The following OR2L2 variants were observed in gnomAD, a reference collection of about 807,000 sequenced individuals.
The protein encoded by OR2L2 is olfactory receptor 2L2.
For missense variants in OR2L2, 378 were observed against 375.2 expected (o/e 1.01, Z -0.06); for synonymous variants, 156 against 135.4 (o/e 1.15, Z -1.06).
At position 248,039,064 on chromosome 1, in the gene OR2L2, C is replaced by A. The variant is rs775755002; in HGVS notation, c.797C>A (p.Ser266Tyr). The A allele has an allele frequency of 1.2e-6, 2 of 1,614,026 alleles. No individual in the cohort carries two copies. Among genetic ancestry groups the A allele is most frequent in the Non-Finnish European group, 1.7e-6 (2 of 1,180,030 alleles). ...YTYVRPRSLRSPTEDKILAVF... is the reference protein window; with the variant it reads ...YTYVRPRSLRYPTEDKILAVF... ...TATGTACGTCCAAGATCCCTGCGAT[C>A]TCCAACAGAGGACAAGATTCTGGCT... The change falls in exon 3 of 3, where the codon TCT becomes TAT. Residue 266 changes from serine (S) to tyrosine (Y), a missense_variant. Coordinates refer to ENST00000641771, the MANE Select transcript of OR2L2 (RefSeq NM_001385855.1).
intron 1 of OR2L2, among the ~76,000 whole-genome samples, chr1:248,033,091 T>C (rs920873107): frequency 3.3e-5 from 5 of 152,232 alleles, no homozygotes; most frequent in Non-Finnish European, 7.3e-5. Flanking sequence ...ATTTTACTTA[T>C]AATATTTTCA....
chr1:248,032,036 C>A (rs1662634336), intron 1 of OR2L2, among the ~76,000 whole-genome samples: 1 of 152,026 alleles, frequency 6.6e-6, no homozygotes, highest in Non-Finnish European at 1.5e-5. Context: ...TCAAATAGTA[C>A]ATATTCTAAT....
intron 2 of OR2L2, among the ~76,000 whole-genome samples, chr1:248,035,916 C>G (rs190086409): frequency 1.2e-3 from 184 of 152,216 alleles, no homozygotes; most frequent in Non-Finnish European, 1.9e-3. Flanking sequence ...AATATATACT[C>G]TTGTAAATCC....
chr1:248,040,024 A>G lies in OR2L2; in HGVS notation c.*818A>G, dbSNP rs1662899637. The G allele has an allele frequency of 1.3e-5, 2 of 152,282 alleles. No homozygotes were observed. Among genetic ancestry groups the G allele is most frequent in the African/African-American group, 4.8e-5 (2 of 41,564 alleles). The allele number at this position is 152,282 out of a possible 1,614,324, so 9.4% of individuals were successfully genotyped here. ...GAGTGTGGAGTAGGTTATTTGAATC[A>G]TTTCCCAGTCACGTCACAACACACT... On this transcript the variant is annotated 3_prime_UTR_variant, in exon 3 of 3. Transcript: ENST00000641771.
Position 248,038,839 on chromosome 1 carries a change from C to G in OR2L2, c.572C>G (p.Thr191Ser), listed in dbSNP as rs766797678. ...ATGTTGACGCTAGCCTGCACAGACA[C>G]TTGGGTCTATGAGAGCACAGTGTTT... ...PAMLTLACTD[T>S]WVYESTVFLS... The change falls in exon 3 of 3, where the codon ACT (threonine) becomes AGT (serine). Residue 191 changes from threonine (T) to serine (S), a missense_variant. Physicochemically the swap from Thr to Ser is moderately conservative, Grantham distance 58 (BLOSUM62 1). Coordinates refer to ENST00000641771, the MANE Select transcript of OR2L2 (RefSeq NM_001385855.1). The G allele has an allele frequency of 2.5e-6, 4 of 1,614,044 alleles. No homozygotes were observed. The highest frequency in any genetic ancestry group is 3.4e-6 in the Non-Finnish European group (4 of 1,180,034).
At chr1:248,033,741 C>T (rs1662682342) in intron 1 of OR2L2, among the ~76,000 whole-genome samples, 1 of 151,824 alleles carries the variant, frequency 6.6e-6, no homozygotes, top group Non-Finnish European at 1.5e-5. Context: ...TGGCACCTGT[C>T]CTCTCTTTTC....
chr1:248,030,295 C>T (rs916756606), intron 1 of OR2L2, 60 bp downstream of exon 1: 5 of 152,120 alleles, frequency 3.3e-5, no homozygotes, highest in African/African-American at 1.2e-4. Flanking sequence ...GGGACTCTGG[C>T]AAGTGCTTAA....
chr1:248,031,719 T>A lies in OR2L2; in HGVS notation c.-97+1484T>A, dbSNP rs74153018. On this transcript the variant is annotated intron_variant, in intron 1 of 2. Transcript: ENST00000641771. ...ACTTTTAAGTAAACACAAAGTCAAA[T>A]AAGCTTGCCTTGTAGAATGTGTCTG... 3.5e-3 allele frequency among the ~76,000 whole-genome samples: 530 copies of A among 152,324 alleles called. 5 individuals are homozygous for A. The highest frequency in any genetic ancestry group is 0.012 in the African/African-American group (506 of 41,576).
chr1:248,038,329 G>C lies in OR2L2; in HGVS notation c.62G>C (p.Arg21Thr). 6.2e-7 allele frequency: 1 copy of C among 1,613,690 alleles called. No homozygotes were observed. Among genetic ancestry groups the C allele is most frequent in the Non-Finnish European group, 8.5e-7 (1 of 1,179,688 alleles). ...TTATTGGGGCTGTTCCCACAATCAA[G>C]AATTGGCCTTTTCGTATTCACCCTC... ...FILLGLFPQS[R>T]IGLFVFTLIF... is the part of the protein sequence containing the mutation. The change falls in exon 3 of 3, where the codon AGA (arginine) becomes ACA (threonine). Residue 21 changes from arginine (R) to threonine (T), a missense_variant. Transcript: ENST00000641771.
rs750677555 is a variant in OR2L2 at position 248,039,034 on chromosome 1, A to G, written c.767A>G (p.Tyr256Cys). ...VVSFYYAPFAYTYVRPRSLRS... is the reference protein window; with the variant it reads ...VVSFYYAPFACTYVRPRSLRS... ...TCCTTCTACTATGCACCCTTTGCTT[A>G]TACCTATGTACGTCCAAGATCCCTG... Residue 256 changes from tyrosine to cysteine, a missense_variant, in exon 3 of 3, where the codon TAT becomes TGT. Coordinates refer to ENST00000641771, the MANE Select transcript of OR2L2 (RefSeq NM_001385855.1). 1.7e-5 allele frequency: 28 copies of G among 1,614,100 alleles called. No individual in the cohort carries two copies. In the South Asian group the frequency reaches 2.6e-4, roughly 15 times the overall value.
Position 248,041,577 on chromosome 1 carries a change from A to C in OR2L2, c.*2371A>C, listed in dbSNP as rs1662951920. The C allele has an allele frequency of 6.6e-6, 1 of 152,212 alleles. No individual in the cohort carries two copies. Among genetic ancestry groups the C allele is most frequent in the South Asian group, 2.1e-4 (1 of 4,834 alleles). The allele number at this position is 152,212 out of a possible 1,614,324, so 9.4% of individuals were successfully genotyped here. On this transcript the variant is annotated 3_prime_UTR_variant, in exon 3 of 3. Coordinates refer to ENST00000641771, the MANE Select transcript of OR2L2 (RefSeq NM_001385855.1). ...TACCATCAGAGTGAACAGGCAACCT[A>C]CAGAATGGGAGAAAATTTTTGCAAC...
Position 248,039,011 on chromosome 1 carries a change from C to T in OR2L2, c.744C>T (p.Ser248=), listed in dbSNP as rs1384868111. 9.9e-6 allele frequency: 16 copies of T among 1,613,930 alleles called. No individual in the cohort carries two copies. In the Admixed American group the frequency reaches 2.3e-4, roughly 24 times the overall value. ...GTAGCACCCACCTCACTGTAGTGTC[C>T]TTCTACTATGCACCCTTTGCTTATA... ...STCSTHLTVV[S]FYYAPFAYTY... Residue 248 remains serine (S), a synonymous_variant, in exon 3 of 3, where the codon TCC becomes TCT. Coordinates refer to ENST00000641771, the MANE Select transcript of OR2L2 (RefSeq NM_001385855.1).
chr1:248,035,422 C>CT (rs1662733396), intron 1 of OR2L2, 128 bp from the exon 2 acceptor site: 1 of 151,814 alleles, frequency 6.6e-6, no homozygotes, highest in Non-Finnish European at 1.5e-5. Flanking sequence ...GCACTCCAGC[C>CT]TGGGTGACAG....
chr1:248,030,561 A>T (rs1214042502), intron 1 of OR2L2, among the ~76,000 whole-genome samples: 1 of 152,196 alleles, frequency 6.6e-6, no homozygotes, highest in Non-Finnish European at 1.5e-5. Flanking sequence ...TAATTATTGT[A>T]AGGGGTAACA....
chr1:248,030,637 T>C (rs1429810329), intron 1 of OR2L2, among the ~76,000 whole-genome samples: 2 of 152,206 alleles, frequency 1.3e-5, no homozygotes, highest in African/African-American at 2.4e-5. Flanking sequence ...CCATGAGTGA[T>C]GTGCGATTGT....
At chr1:248,037,509 A>G (rs1012922948) in intron 2 of OR2L2, among the ~76,000 whole-genome samples, 10 of 152,182 alleles carry the variant, frequency 6.6e-5, no homozygotes, top group African/African-American at 1.9e-4. Flanking sequence ...TGAAGTTGTA[A>G]GACAAATGAT....
chr1:248,037,874 A>T (rs1008893940), intron 2 of OR2L2, among the ~76,000 whole-genome samples: 1 of 152,176 alleles, frequency 6.6e-6, no homozygotes, highest in Non-Finnish European at 1.5e-5. Context: ...CACAGTGCCT[A>T]CCTTGTTCTC....
At chr1:248,037,315 CAAGT>C (rs1219436578) in intron 2 of OR2L2, among the ~76,000 whole-genome samples, 8 of 152,078 alleles carry the variant, frequency 5.3e-5, no homozygotes, top group Non-Finnish European at 8.8e-5. Context: ...TGCAGTTCTA[CAAGT>C]AAGTCTTAAA....
intron 1 of OR2L2, among the ~76,000 whole-genome samples, chr1:248,033,211 G>T (rs1662665552): frequency 6.6e-6 from 1 of 152,068 alleles, no homozygotes; most frequent in Non-Finnish European, 1.5e-5. Flanking sequence ...TATGGTTTTA[G>T]CTCTTACACT....
Sources: gnomAD v4.1 joint callset for allele counts (sites outside exome capture counted in the v4.1 genomes callset) on GRCh38, gnomAD v4.1.1 for gene constraint, MANE v1.5 for transcripts, NCBI Gene and HGNC (gene_info 2026-07-23, HGNC 2026-07-21) for gene names.